RTN4: variants seen among roughly 807,000 people sequenced by gnomAD.
The protein encoded by RTN4 is reticulon-4.
In RTN4, 32 loss-of-function variants were observed where a neutral mutation model predicts 90.4. The ratio of observed to expected loss-of-function variants is 0.35; its 90% CI spans 0.27 to 0.48. The LOEUF (loss-of-function observed/expected upper bound fraction) is 0.48. Among genes scored for constraint, RTN4 ranks in the 20% least tolerant of loss-of-function variants. RTN4 has a pLI of 0.99. For missense variants in RTN4, 1,706 were observed against 1,430.2 expected (o/e 1.19, Z -3.11); for synonymous variants, 629 against 552.5 (o/e 1.14, Z -1.94).
chr2:55,000,581 C>T (rs1420188083), intron 3 of RTN4, among the ~76,000 whole-genome samples: 1 of 152,062 alleles, frequency 6.6e-6, no homozygotes, highest in Non-Finnish European at 1.5e-5. Flanking sequence ...GTATACATTA[C>T]CTCGAATCCA....
chr2:55,021,480 T>G (rs1332312701), intron 3 of RTN4, among the ~76,000 whole-genome samples: 3 of 141,838 alleles, frequency 2.1e-5, no homozygotes, highest in South Asian at 2.2e-4. Flanking sequence ...TTTTTTTTTT[T>G]GTCTTTTTTT....
chr2:55,054,349 T>C (rs76050001), upstream of RTN4, among the ~76,000 whole-genome samples: 1,435 of 152,240 alleles, frequency 9.4e-3, 19 homozygotes, highest in African/African-American at 0.031. Context: ...AGAGAAATAT[T>C]TGTTGGGTAT....
chr2:55,050,370 G>T lies in RTN4; in HGVS notation c.-70C>A. The T allele has an allele frequency of 9.6e-7, 1 of 1,045,674 alleles. No individual in the cohort carries two copies. The highest frequency in any genetic ancestry group is 2.2e-5 in the South Asian group (1 of 46,178). The allele number at this position is 1,045,674 out of a possible 1,614,324, so 64.8% of individuals were successfully genotyped here. On this transcript the variant is annotated 5_prime_UTR_variant, in exon 1 of 9. Transcript: ENST00000337526. The surrounding 1 kb of genome is among the most constrained non-coding windows in gnomAD (Gnocchi z 4.6). The stretch of plus-strand genomic sequence containing the variant: ...GGGGCCGCGTCTCAGAGCCGCGGGC[G>T]GTTGTGGGGGTTGGGGAGGACTGAG...
intron 3 of RTN4, among the ~76,000 whole-genome samples, chr2:55,013,599 G>T (rs1165790246): frequency 2.9e-5 from 2 of 68,216 alleles, no homozygotes; most frequent in Non-Finnish European, 4.8e-5. Context: ...TTTTTGGTGG[G>T]TTTTTTTTTG....
intron 3 of RTN4, among the ~76,000 whole-genome samples, chr2:54,994,358 A>T (rs919930916): frequency 9.2e-5 from 14 of 152,264 alleles, no homozygotes; most frequent in African/African-American, 3.4e-4. Flanking sequence ...GGATCGAGCA[A>T]CATATAAAAA....
At chr2:55,003,153 G>C (rs1360975406) in intron 3 of RTN4, among the ~76,000 whole-genome samples, 2 of 152,094 alleles carry the variant, frequency 1.3e-5, no homozygotes, top group Admixed American at 6.6e-5. Flanking sequence ...CAAATTACTA[G>C]TTCAAAACAC....
At chr2:55,137,103 G>A in the RTN4 span, among the ~76,000 whole-genome samples, 1 of 152,328 alleles carries the variant, frequency 6.6e-6, no homozygotes. Context: ...ACGCACTTCC[G>A]TCTGGGGAGC....
At chr2:54,987,919 T>C (rs1678698533) in intron 3 of RTN4, among the ~76,000 whole-genome samples, 1 of 152,246 alleles carries the variant, frequency 6.6e-6, no homozygotes, top group East Asian at 1.9e-4. Flanking sequence ...AAATGTTTTT[T>C]ATTCAAATTT....
chr2:55,040,471 G>C (rs1377793441), intron 1 of RTN4, among the ~76,000 whole-genome samples: 3 of 152,008 alleles, frequency 2.0e-5, no homozygotes, highest in African/African-American at 7.2e-5. Flanking sequence ...TCCATCTACG[G>C]TTGTCAGGGC....
At chr2:55,096,089 G>A (rs1317116617) in intron 1 of RTN4, among the ~76,000 whole-genome samples, 4 of 152,212 alleles carry the variant, frequency 2.6e-5, no homozygotes, top group South Asian at 4.1e-4. Flanking sequence ...CACTTTGGGA[G>A]GCCGAGGCGG....
chr2:55,062,260 G>A (rs967136354), intron 2 of RTN4, among the ~76,000 whole-genome samples: 4 of 152,040 alleles, frequency 2.6e-5, no homozygotes, highest in Admixed American at 6.6e-5. Flanking sequence ...GTACACCAAG[G>A]CAGGAACCCC....
At chr2:55,083,709 A>G (rs113700891) in intron 1 of RTN4, among the ~76,000 whole-genome samples, 16 of 152,354 alleles carry the variant, frequency 1.1e-4, no homozygotes, top group African/African-American at 3.6e-4. Context: ...AGTTGACCCA[A>G]GCCTATTTAA....
At chr2:55,062,432 C>T (rs550041110) in intron 2 of RTN4, among the ~76,000 whole-genome samples, 3 of 152,304 alleles carry the variant, frequency 2.0e-5, no homozygotes, top group East Asian at 3.9e-4. Context: ...GGGGTCAGAG[C>T]CCCACAGCCT....
rs139348498 is a variant in RTN4, at chr2:54,972,785, C to T, written c.*371G>A. On this transcript the variant is annotated 3_prime_UTR_variant, in exon 9 of 9. Transcript: ENST00000337526. The stretch of plus-strand genomic sequence containing the variant: ...ACACGGACCATACACAGTGCACAAA[C>T]TGAAAAGGGCTTTTTTTTTTTTTTT... The T allele has an allele frequency of 1.7e-3, 297 of 176,610 alleles. 2 individuals are homozygous for T. The highest frequency in any genetic ancestry group is 4.5e-3 in the South Asian group (26 of 5,732). The allele number at this position is 176,610 out of a possible 1,614,324, so 10.9% of individuals were successfully genotyped here. A position where few individuals can be genotyped will look rare whatever the true frequency, so the allele number is the denominator to read the frequency against.
Position 55,027,484 on chromosome 2 carries a change from T to C in RTN4, c.615A>G (p.Glu205=), listed in dbSNP as rs573197490. ...CTGGCTGCTCCTTCAAGTCCATATT[T>C]TCTGTGACCATGGACAGAAAGGAAA... ...ASEPVIRSSA[E]NMDLKEQPGN... The change falls in exon 3 of 9, where the codon GAA becomes GAG. Residue 205 remains glutamate (E), a splice_region_variant and synonymous_variant. Transcript: ENST00000337526. 6.3e-7 allele frequency: 1 copy of C among 1,598,872 alleles called. No individual in the cohort carries two copies. Among genetic ancestry groups the C allele is most frequent in the South Asian group, 1.1e-5 (1 of 88,774 alleles).
intron 1 of RTN4, chr2:55,049,441 C>T (rs1667967470): frequency 2.3e-6 from 1 of 438,844 alleles, no homozygotes; most frequent in South Asian, 3.1e-5. Flanking sequence ...CCGGCTCCTA[C>T]TACGGGTGGG....
chr2:55,113,160 A>G (rs933245335), upstream of RTN4, among the ~76,000 whole-genome samples: 2 of 152,184 alleles, frequency 1.3e-5, no homozygotes, highest in African/African-American at 4.8e-5. Flanking sequence ...GTTGCTAGAA[A>G]AATAAAAAGG....
At chr2:55,008,500 A>T (rs971773361) in intron 3 of RTN4, among the ~76,000 whole-genome samples, 1 of 152,172 alleles carries the variant, frequency 6.6e-6, no homozygotes, top group Non-Finnish European at 1.5e-5. Flanking sequence ...AAAAACAGGC[A>T]AAGTTAATCT....
chr2:55,106,405 T>A (rs1262070689), intron 1 of RTN4, among the ~76,000 whole-genome samples: 1 of 152,174 alleles, frequency 6.6e-6, no homozygotes, highest in East Asian at 1.9e-4. Flanking sequence ...ACTGAGTTTG[T>A]TATCTTTGTG....
Sources: gnomAD v4.1 joint callset for allele counts (sites outside exome capture counted in the v4.1 genomes callset) on GRCh38, gnomAD v4.1.1 for gene constraint, Gnocchi (gnomAD v3.1) non-coding constraint, MANE v1.5 for transcripts, NCBI Gene and HGNC (gene_info 2026-07-23, HGNC 2026-07-21) for gene names.